Variants in PIK3C3 observed in about 807,000 individuals in gnomAD.
The protein encoded by PIK3C3 is phosphatidylinositol 3-kinase catalytic subunit type 3.
A neutral mutation model predicts 126.1 loss-of-function variants in PIK3C3; 95 were observed. The observed-to-expected ratio is 0.75, with a 90% confidence interval of 0.64 to 0.89. The LOEUF (loss-of-function observed/expected upper bound fraction) is 0.89. PIK3C3 is among the 40% of genes least tolerant of loss of function. PIK3C3 has a pLI of 0.00. For missense variants in PIK3C3, 829 were observed against 1,063.2 expected, an observed-to-expected ratio of 0.78 and a Z score of 3.06; for synonymous variants, 374 against 360.0, an observed-to-expected ratio of 1.04 and a Z score of -0.44.
chr18:41,964,096 C>A (rs1404105950), intron 3 of PIK3C3, among the ~76,000 whole-genome samples: 1 of 151,928 alleles, frequency 6.6e-6, no homozygotes, highest in Non-Finnish European at 1.5e-5. Context: ...TGCTTTTATT[C>A]CTTTATATTA....
At chr18:42,025,681 C>CAA (rs1445995683) in intron 13 of PIK3C3, 1 of 152,262 alleles carries the variant, frequency 6.6e-6, no homozygotes. Flanking sequence ...AAATGACAAA[C>CAA]AGTGTCTTGA....
At position 42,063,956 on chromosome 18, in the gene PIK3C3, A is replaced by G. The variant is rs150075820; in HGVS notation, c.2433-784A>G. ...TTTTTATCAGTGCTAAGGAGGGGCC[A>G]CTAAGAGCATAACTACCCAAAGTGG... On this transcript the variant is annotated intron_variant, in intron 22 of 24. Transcript: ENST00000262039. Among the ~76,000 whole-genome samples, 15 of 152,300 alleles carry G rather than the reference A, an allele frequency of 9.8e-5. No individual in the cohort carries two copies. In the East Asian group the frequency reaches 1.9e-3, roughly 20 times the overall value.
At chr18:42,066,065 G>C (rs894877363) in intron 23 of PIK3C3, among the ~76,000 whole-genome samples, 10 of 152,052 alleles carry the variant, frequency 6.6e-5, no homozygotes, top group Admixed American at 4.6e-4. Context: ...TATTCTCTCT[G>C]TAAGTAGAAG....
At chr18:41,997,670 T>C (rs1982092838) in intron 9 of PIK3C3, among the ~76,000 whole-genome samples, 1 of 152,094 alleles carries the variant, frequency 6.6e-6, no homozygotes. Context: ...TACCAGGAAT[T>C]CTTTAAATCC....
At chr18:42,002,703 T>C (rs1982346182) in intron 9 of PIK3C3, among the ~76,000 whole-genome samples, 1 of 152,180 alleles carries the variant, frequency 6.6e-6, no homozygotes, top group Middle Eastern at 3.2e-3. Flanking sequence ...CTGCTAACAA[T>C]AGGAAATTTG....
At chr18:42,068,021 T>C (rs1303660865) in intron 24 of PIK3C3, among the ~76,000 whole-genome samples, 3 of 152,214 alleles carry the variant, frequency 2.0e-5, no homozygotes, top group East Asian at 1.9e-4. Flanking sequence ...ATAATAAGGA[T>C]GACTATGAAA....
chr18:42,053,519 T>A (rs549967228), intron 21 of PIK3C3, among the ~76,000 whole-genome samples: 1 of 152,302 alleles, frequency 6.6e-6, no homozygotes, highest in East Asian at 1.9e-4. Context: ...ACTATTGAAT[T>A]CTTTTTTCAT....
intron 16 of PIK3C3, among the ~76,000 whole-genome samples, chr18:42,035,706 A>G (rs986757480): frequency 1.3e-5 from 2 of 152,144 alleles, no homozygotes; most frequent in Non-Finnish European, 2.9e-5. Context: ...GATGAAAGTG[A>G]TGGATTATGC....
At chr18:42,053,035 A>ACTTC (rs1168355490) in intron 21 of PIK3C3, 1 of 152,146 alleles carries the variant, frequency 6.6e-6, no homozygotes, top group Non-Finnish European at 1.5e-5. Flanking sequence ...TTTCAATCAG[A>ACTTC]CTTCCACTGT....
In PIK3C3 at chr18:42,059,211, G is replaced by A. The variant is rs116864311; in HGVS notation, c.2432+1160G>A. 1.5e-4 allele frequency among the ~76,000 whole-genome samples: 23 copies of A among 152,264 alleles called. No individual in the cohort carries two copies. In the East Asian group the frequency reaches 4.4e-3, roughly 29 times the overall value. ...TGACTAGGTCTTCATTGTAAACTCA[G>A]TCTTTTCCATGTATCACAAACCTGT... On this transcript the variant is annotated intron_variant, in intron 22 of 24. Transcript: ENST00000262039.
chr18:42,058,393 G>C (rs1985168245), intron 22 of PIK3C3, among the ~76,000 whole-genome samples: 1 of 152,120 alleles, frequency 6.6e-6, no homozygotes, highest in Non-Finnish European at 1.5e-5. Context: ...ATAGAGAAAA[G>C]GTTAAGAAAC....
intron 24 of PIK3C3, among the ~76,000 whole-genome samples, chr18:42,068,191 C>T (rs1305262029): frequency 1.3e-5 from 2 of 152,192 alleles, no homozygotes; most frequent in Non-Finnish European, 1.5e-5. Flanking sequence ...TGACCAGTAT[C>T]TCACCAAGCC....
intron 4 of PIK3C3, among the ~76,000 whole-genome samples, chr18:41,981,426 C>T (rs1463478163): frequency 6.6e-6 from 1 of 152,060 alleles, no homozygotes; most frequent in Non-Finnish European, 1.5e-5. Flanking sequence ...TTTTATGAAG[C>T]AAATACTACT....
chr18:42,087,050 T>C lies in PIK3C3; in HGVS notation c.*5913T>C, dbSNP rs566377308. On this transcript the variant is annotated 3_prime_UTR_variant, in exon 25 of 25. Coordinates refer to ENST00000262039, the MANE Select transcript of PIK3C3 (RefSeq NM_002647.4). ...TACACTTTTTCCCCCCTTTCCTCTA[T>C]TTTTAAAAGAACTTTCAGCCCTTTT... is the stretch of plus-strand genomic sequence containing the variant. 1.3e-5 allele frequency: 2 copies of C among 152,326 alleles called. No homozygotes were observed. Among genetic ancestry groups the C allele is most frequent in the Admixed American group, 6.5e-5 (1 of 15,304 alleles). The allele number at this position is 152,326 out of a possible 1,614,324, so 9.4% of individuals were successfully genotyped here. A position where few individuals can be genotyped will look rare whatever the true frequency, so the allele number is the denominator to read the frequency against.
At chr18:42,068,916 C>T (rs1045522380) in intron 24 of PIK3C3, among the ~76,000 whole-genome samples, 1 of 147,346 alleles carries the variant, frequency 6.8e-6, no homozygotes, top group African/African-American at 2.5e-5. Context: ...TGCCACTGTA[C>T]TCCAGCCTGG....
At chr18:41,965,985 T>G (rs561537808) in intron 3 of PIK3C3, among the ~76,000 whole-genome samples, 1 of 152,282 alleles carries the variant, frequency 6.6e-6, no homozygotes, top group East Asian at 1.9e-4. Flanking sequence ...CTCTTAACTC[T>G]AACTGGAAAA....
intron 3 of PIK3C3, among the ~76,000 whole-genome samples, chr18:41,969,697 A>G (rs1980556697): frequency 1.3e-5 from 2 of 152,220 alleles, no homozygotes; most frequent in Admixed American, 1.3e-4. Flanking sequence ...GCTAACATTT[A>G]TTGAATACTA....
In PIK3C3 at chr18:42,083,100, G is replaced by A. The variant is rs1353765136; in HGVS notation, c.*1963G>A. On this transcript the variant is annotated 3_prime_UTR_variant, in exon 25 of 25. Transcript: ENST00000262039. The stretch of plus-strand genomic sequence containing the variant: ...GAGGGTAAACAGTAGCTGTGGTTTT[G>A]CTGAGAGATTTTGGCTGTGAGTGAC... 6.6e-6 allele frequency: 1 copy of A among 152,180 alleles called. No individual in the cohort carries two copies. The highest frequency in any genetic ancestry group is 2.4e-5 in the African/African-American group (1 of 41,444). 9.4% of individuals were successfully genotyped at this position (152,180 alleles called of 1,614,324 possible).
rs192914951 is a variant in PIK3C3, at chr18:42,013,394, A to C, written c.1171-48A>C. On this transcript the variant is annotated intron_variant, in intron 10 of 24. Coordinates refer to ENST00000262039, the MANE Select transcript of PIK3C3 (RefSeq NM_002647.4). ...TTAGGAATAAATTATGTCTGTAATA[A>C]TTTTGCATTCTTTTCCTAATATTAC... is the stretch of plus-strand genomic sequence containing the variant. 5.7e-6 allele frequency: 6 copies of C among 1,058,688 alleles called. No individual in the cohort carries two copies. In the African/African-American group the frequency reaches 6.7e-5, roughly 12 times the overall value. 65.6% of individuals were successfully genotyped at this position (1,058,688 alleles called of 1,614,324 possible).
Sources: allele counts gnomAD v4.1 joint callset (sites outside exome capture counted in the v4.1 genomes callset), GRCh38; gene constraint gnomAD v4.1.1; transcripts MANE v1.5; gene names NCBI Gene and HGNC (gene_info 2026-07-23, HGNC 2026-07-21).